DPYD: variants seen among roughly 807,000 people sequenced by gnomAD.
The protein encoded by DPYD is dihydropyrimidine dehydrogenase, also known as dihydropyrimidine dehydrogenase [NADP(+)].
Under a neutral mutation model 116.2 loss-of-function variants are expected in DPYD, and 109 were observed. The ratio of observed to expected loss-of-function variants is 0.94; its 90% CI spans 0.80 to 1.10. DPYD has a LOEUF of 1.10. Ranked by LOEUF, DPYD falls within the 50% of genes least tolerant of loss-of-function variation. The pLI, the probability that DPYD is intolerant of heterozygous loss-of-function variation, is 0.00. For missense variants in DPYD, 1,302 were observed against 1,254.5 expected (o/e 1.04, Z -0.57); for synonymous variants, 440 against 432.0 (o/e 1.02, Z -0.23).
Position 97,573,899 on chromosome 1 carries a change from A to G in DPYD, c.1200T>C (p.Gly400=), listed in dbSNP as rs1392756209. Residue 400 remains glycine, a synonymous_variant, in exon 11 of 23, where the codon GGT becomes GGC. Coordinates refer to ENST00000370192, the MANE Select transcript of DPYD (RefSeq NM_000110.4). ...CAAACTGCATAGCAACAATTCTCCC[A>G]CCTTTTACTATAACCTTCCGTGGGG... ...FLSPRKVIVK[G]GRIVAMQFVR... is the part of the protein sequence containing the mutation. 6.2e-7 allele frequency: 1 copy of G among 1,613,548 alleles called. No homozygotes were observed. Among genetic ancestry groups the G allele is most frequent in the Admixed American group, 1.7e-5 (1 of 59,972 alleles).
At chr1:97,299,151 T>C (rs886749987) in intron 18 of DPYD, among the ~76,000 whole-genome samples, 4 of 152,126 alleles carry the variant, frequency 2.6e-5, no homozygotes, top group African/African-American at 9.7e-5. Context: ...ACTGATTTTT[T>C]AGTACAGTAG....
At chr1:97,292,887 T>C (rs1314666977) in intron 18 of DPYD, among the ~76,000 whole-genome samples, 1 of 152,158 alleles carries the variant, frequency 6.6e-6, no homozygotes, top group Non-Finnish European at 1.5e-5. Context: ...ATTTCTATTA[T>C]GTTTTCATTT....
At chr1:97,105,425 C>T (rs1470028548) in intron 20 of DPYD, among the ~76,000 whole-genome samples, 1 of 152,076 alleles carries the variant, frequency 6.6e-6, no homozygotes. Context: ...TCTAAATCCT[C>T]CTCCATAGTC....
chr1:97,197,904 C>T (rs1038174616), intron 19 of DPYD, among the ~76,000 whole-genome samples: 11 of 152,098 alleles, frequency 7.2e-5, no homozygotes, highest in South Asian at 2.1e-4. Context: ...CCATGAGACA[C>T]GAGTGCTGGA....
intron 5 of DPYD, among the ~76,000 whole-genome samples, chr1:97,721,265 T>C (rs1316007350): frequency 1.3e-5 from 2 of 151,712 alleles, no homozygotes; most frequent in Non-Finnish European, 3.0e-5. Context: ...CTAATTTATA[T>C]AATTTCAGTC....
At chr1:97,382,259 A>G in intron 15 of DPYD, 134 bp downstream of exon 15, 1 of 497,176 alleles carries the variant, frequency 2.0e-6, no homozygotes, top group Non-Finnish European at 3.5e-6. Context: ...ACAAATTATA[A>G]TAGAAATGTT....
chr1:97,585,999 C>A, intron 10 of DPYD: 1 of 227,864 alleles, frequency 4.4e-6, no homozygotes, highest in South Asian at 8.1e-5. Flanking sequence ...AATGTTTGAT[C>A]CATGCCCATC....
intron 7 of DPYD, among the ~76,000 whole-genome samples, chr1:97,680,490 T>C (rs570208097): frequency 2.8e-4 from 42 of 152,270 alleles, no homozygotes; most frequent in Non-Finnish European, 5.4e-4. Flanking sequence ...AGGCCACACA[T>C]AGACTGCATG....
intron 5 of DPYD, chr1:97,721,038 T>A (rs149196728): frequency 2.8e-6 from 4 of 1,404,082 alleles, no homozygotes; most frequent in Non-Finnish European, 3.9e-6. Flanking sequence ...ATGACATTAT[T>A]AATGTGGTTA....
At chr1:97,393,597 T>A (rs953678991) in intron 14 of DPYD, among the ~76,000 whole-genome samples, 1 of 152,120 alleles carries the variant, frequency 6.6e-6, no homozygotes, top group Non-Finnish European at 1.5e-5. Context: ...TCCAGCTTCA[T>A]CCATGTCCCT....
intron 14 of DPYD, among the ~76,000 whole-genome samples, chr1:97,411,049 A>G (rs1248852366): frequency 2.0e-5 from 3 of 152,160 alleles, no homozygotes; most frequent in Non-Finnish European, 2.9e-5. Context: ...GGTCAAAACT[A>G]GGAATCATGT....
At chr1:97,457,502 G>T (rs2101813355) in intron 13 of DPYD, among the ~76,000 whole-genome samples, 1 of 151,990 alleles carries the variant, frequency 6.6e-6, no homozygotes, top group South Asian at 2.1e-4. Context: ...TTTGTTTTTT[G>T]ACCTTCTCAT....
At chr1:97,189,006 T>A (rs970394231) in intron 20 of DPYD, among the ~76,000 whole-genome samples, 7 of 152,218 alleles carry the variant, frequency 4.6e-5, no homozygotes, top group Non-Finnish European at 8.8e-5. Context: ...GAAAAAGTAA[T>A]GGCTTGGTAA....
At chr1:97,121,794 T>G (rs562077019) in intron 20 of DPYD, among the ~76,000 whole-genome samples, 4 of 152,106 alleles carry the variant, frequency 2.6e-5, no homozygotes. Flanking sequence ...ATAAACCTAG[T>G]TGGTTTGGGC....
intron 13 of DPYD, among the ~76,000 whole-genome samples, chr1:97,491,168 C>T (rs4350235): frequency 0.61 from 90,108 of 146,826 alleles, 27,809 homozygotes; most frequent in East Asian, 0.76. Flanking sequence ...ATAAAATATA[C>T]ATTATTCGTA....
intron 18 of DPYD, among the ~76,000 whole-genome samples, chr1:97,259,629 A>G (rs1460120304): frequency 6.6e-6 from 1 of 152,152 alleles, no homozygotes; most frequent in African/African-American, 2.4e-5. Flanking sequence ...GTCAGTGTAT[A>G]AGGTCAAGAT....
At chr1:97,158,353 G>A (rs935422020) in intron 20 of DPYD, among the ~76,000 whole-genome samples, 55 of 151,858 alleles carry the variant, frequency 3.6e-4, no homozygotes, top group African/African-American at 1.3e-3. Flanking sequence ...ATATCTAGGT[G>A]AATGCTCTTT....
chr1:97,117,030 G>A (rs1341632043), intron 20 of DPYD, among the ~76,000 whole-genome samples: 2 of 151,642 alleles, frequency 1.3e-5, no homozygotes, highest in Non-Finnish European at 2.9e-5. Flanking sequence ...CAGGCATAGT[G>A]GTGTGTATCT....
chr1:97,107,183 A>C, intron 20 of DPYD, among the ~76,000 whole-genome samples: 1 of 151,458 alleles, frequency 6.6e-6, no homozygotes, highest in African/African-American at 2.4e-5. Flanking sequence ...TTCTATTTCC[A>C]CCTCTTTGTT....
Sources: allele counts gnomAD v4.1 joint callset (sites outside exome capture counted in the v4.1 genomes callset), GRCh38; gene constraint gnomAD v4.1.1; transcripts MANE v1.5; gene names NCBI Gene and HGNC (gene_info 2026-07-23, HGNC 2026-07-21).